Variants in UGT1A6 observed in about 807,000 individuals in gnomAD.
UGT1A6 encodes the protein UDP-glucuronosyltransferase 1A6.
A neutral mutation model predicts 44.4 loss-of-function variants in UGT1A6; 32 were observed. The observed-to-expected ratio is 0.72, with a 90% CI of 0.54 to 0.97. The LOEUF (loss-of-function observed/expected upper bound fraction) is 0.97, where lower values mean the gene tolerates loss of function less well. UGT1A6 is among the 50% of genes least tolerant of loss of function. The probability of loss-of-function intolerance (pLI) is 0.00; values close to 1 mark genes in which losing one functional copy is unlikely to be tolerated. For synonymous variants in UGT1A6, 238 were observed against 248.5 expected (o/e 0.96, Z 0.40); for missense variants, 685 against 661.9 (o/e 1.03, Z -0.38).
chr2:233,698,830 G>A (rs2075465152), intron 1 of UGT1A6, among the ~76,000 whole-genome samples: 1 of 152,226 alleles, frequency 6.6e-6, no homozygotes. Context: ...GAGTAAGGCA[G>A]GATCACTTCC....
In UGT1A6 at chr2:233,719,743, A is replaced by T. The variant is rs568452098; in HGVS notation, c.861+25878A>T. 25 of 1,613,098 alleles carry T rather than the reference A, an allele frequency of 1.5e-5. No homozygotes were observed. In the East Asian group the frequency reaches 5.3e-4, roughly 35 times the overall value. ...TTCCAGGCAAAACACTTTTTAAAAA[A>T]TGTATTTACTTACAAGTGCTTCCAT... On this transcript the variant is annotated intron_variant, in intron 1 of 4. Coordinates refer to ENST00000305139, the MANE Select transcript of UGT1A6 (RefSeq NM_001072.4).
intron 1 of UGT1A6, chr2:233,721,988 G>A (rs1184404507): frequency 1.1e-5 from 3 of 269,960 alleles, no homozygotes; most frequent in African/African-American, 2.2e-5. Context: ...GTAGTTTCAC[G>A]AATGTCCTTT....
chr2:233,726,889 C>T (rs1279562155), intron 1 of UGT1A6, among the ~76,000 whole-genome samples: 1 of 152,192 alleles, frequency 6.6e-6, no homozygotes, highest in Non-Finnish European at 1.5e-5. Context: ...GAGCTATCAG[C>T]TTACCATTCA....
chr2:233,753,697 A>G (rs1238167644), intron 1 of UGT1A6: 1 of 152,206 alleles, frequency 6.6e-6, no homozygotes, highest in African/African-American at 2.4e-5. Flanking sequence ...TTACAGATGC[A>G]CTTGGCTTTC....
At chr2:233,736,066 G>C (rs879273661) in intron 1 of UGT1A6, among the ~76,000 whole-genome samples, 5 of 152,156 alleles carry the variant, frequency 3.3e-5, no homozygotes, top group Non-Finnish European at 7.3e-5. Flanking sequence ...TGCCTTGCTA[G>C]GTTTGGGAAG....
At chr2:233,742,200 G>A (rs1293437959) in intron 1 of UGT1A6, among the ~76,000 whole-genome samples, 2 of 151,984 alleles carry the variant, frequency 1.3e-5, no homozygotes, top group East Asian at 3.9e-4. Context: ...GAAATCAGGG[G>A]ACTCACAGCC....
intron 1 of UGT1A6, chr2:233,755,187 A>G: frequency 1.6e-5 from 19 of 1,182,426 alleles, no homozygotes; most frequent in Non-Finnish European, 2.1e-5. Flanking sequence ...GTGCCACTTG[A>G]GCGCCAGCTT....
intron 1 of UGT1A6, chr2:233,721,540 A>T (rs10929293): frequency 0.087 from 14,555 of 166,976 alleles, 833 homozygotes; most frequent in East Asian, 0.2. Context: ...CCATAGGTAA[A>T]TTTTTTCTTC....
At chr2:233,763,222 T>C (rs1031728424) in intron 1 of UGT1A6, among the ~76,000 whole-genome samples, 2 of 152,230 alleles carry the variant, frequency 1.3e-5, no homozygotes, top group African/African-American at 4.8e-5. Context: ...GGTGTGAAAA[T>C]ATGTTTTTAA....
intron 1 of UGT1A6, among the ~76,000 whole-genome samples, chr2:233,737,102 G>T (rs992623703): frequency 6.6e-6 from 1 of 152,236 alleles, no homozygotes; most frequent in Non-Finnish European, 1.5e-5. Context: ...TAAGTCTGCT[G>T]TTCCCCACAT....
At position 233,773,283 on chromosome 2, in the gene UGT1A6, A is replaced by G. The variant is rs1700573632; in HGVS notation, c.*724A>G. 6.6e-6 allele frequency: 1 copy of G among 152,180 alleles called. No homozygotes were observed. The highest frequency in any genetic ancestry group is 1.5e-5 in the Non-Finnish European group (1 of 68,034). 9.4% of individuals were successfully genotyped at this position (152,180 alleles called of 1,614,324 possible). Reference sequence around the variant, plus strand: ...TTCCTACAACTAAAAATAAATTAATAAATTTATATAAATTCTATTTAAGTG... The same window carrying G: ...TTCCTACAACTAAAAATAAATTAATGAATTTATATAAATTCTATTTAAGTG... On this transcript the variant is annotated 3_prime_UTR_variant, in exon 5 of 5. Coordinates refer to ENST00000305139, the MANE Select transcript of UGT1A6 (RefSeq NM_001072.4).
rs146169334 is a variant in UGT1A6 at position 233,742,180 on chromosome 2, T to C, written c.862-24854T>C. 6.3e-4 allele frequency among the ~76,000 whole-genome samples: 95 copies of C among 151,416 alleles called. 3 individuals carry two copies. The highest frequency in any genetic ancestry group is 2.3e-3 in the African/African-American group (94 of 40,990). On this transcript the variant is annotated intron_variant, in intron 1 of 4. Transcript: ENST00000305139. Reference sequence around the variant, plus strand: ...AAGACACACACACAGAAATATAGAGTGTGGAGTGGGAAATCAGGGGACTCA... The same window carrying C: ...AAGACACACACACAGAAATATAGAGCGTGGAGTGGGAAATCAGGGGACTCA...
At chr2:233,710,590 A>G (rs2076138016) in intron 1 of UGT1A6, among the ~76,000 whole-genome samples, 1 of 152,132 alleles carries the variant, frequency 6.6e-6, no homozygotes, top group Non-Finnish European at 1.5e-5. Flanking sequence ...TCTTCCGCAC[A>G]CCTTTATTGG....
At chr2:233,701,811 A>G (rs942199612) in intron 1 of UGT1A6, among the ~76,000 whole-genome samples, 4 of 152,228 alleles carry the variant, frequency 2.6e-5, no homozygotes, top group Non-Finnish European at 1.5e-5. Flanking sequence ...ACAAAGACAC[A>G]ACATACCAGA....
chr2:233,718,286 A>G (rs2076644958), intron 1 of UGT1A6, among the ~76,000 whole-genome samples: 1 of 152,248 alleles, frequency 6.6e-6, no homozygotes, highest in Non-Finnish European at 1.5e-5. Context: ...AAAACCAGAT[A>G]GCCAGCCTGA....
intron 1 of UGT1A6, chr2:233,717,996 A>G (rs2076620748): frequency 2.4e-6 from 1 of 421,104 alleles, no homozygotes; most frequent in Non-Finnish European, 4.8e-6. Context: ...AGACTGTGCA[A>G]GATCTGAGGC....
chr2:233,728,977 G>T, intron 1 of UGT1A6: 2 of 1,494,572 alleles, frequency 1.3e-6, no homozygotes, highest in African/African-American at 2.8e-5. Context: ...ATAGATTAAT[G>T]GTTAATAATT....
At chr2:233,713,634 C>A in intron 1 of UGT1A6, 2 of 1,613,964 alleles carry the variant, frequency 1.2e-6, no homozygotes, top group South Asian at 2.2e-5. Flanking sequence ...CAAGAACATG[C>A]TCTACCCTCT....
rs1413528689 is a variant in UGT1A6, at chr2:233,768,429, A to G, written c.1291A>G (p.Asn431Asp). Residue 431 changes from asparagine to aspartate, a missense_variant, in exon 4 of 5, where the codon AAT becomes GAT. By Grantham distance (23) the Asn-to-Asp change is conservative. Transcript: ENST00000305139. Reference protein sequence around the residue: ...DLENALKAVINDKSYKENIMR... With the variant: ...DLENALKAVIDDKSYKENIMR... ...AGAAAATGCTCTAAAAGCAGTCATC[A>G]ATGACAAAAGGTAAGAAAGAAGATA... is the stretch of plus-strand genomic sequence containing the variant. The G allele has an allele frequency of 6.8e-6, 11 of 1,614,042 alleles. No homozygotes were observed. The highest frequency in any genetic ancestry group is 9.3e-6 in the Non-Finnish European group (11 of 1,179,964).
Sources: allele counts gnomAD v4.1 joint callset (sites outside exome capture counted in the v4.1 genomes callset), GRCh38; gene constraint gnomAD v4.1.1; transcripts MANE v1.5; gene names NCBI Gene and HGNC (gene_info 2026-07-23, HGNC 2026-07-21).